Variants in DGCR2 observed in about 807,000 individuals in gnomAD.
DGCR2 encodes the protein integral membrane protein DGCR2/IDD.
DGCR2 carries 24 observed loss-of-function variants against 51.6 expected under a neutral mutation model. That is an observed-to-expected ratio of 0.47 (90% confidence interval 0.34 to 0.65). DGCR2 has a LOEUF of 0.65. DGCR2 is among the 30% of genes least tolerant of loss of function. The probability of loss-of-function intolerance (pLI) is 0.01; values close to 1 mark genes in which losing one functional copy is unlikely to be tolerated. For synonymous variants in DGCR2, 340 were observed against 315.4 expected, an observed-to-expected ratio of 1.08 and a Z score of -0.82; for missense variants, 765 against 772.1, an observed-to-expected ratio of 0.99 and a Z score of 0.11.
At chr22:19,044,831 G>C (rs2082471432) in intron 7 of DGCR2, among the ~76,000 whole-genome samples, 1 of 152,190 alleles carries the variant, frequency 6.6e-6, no homozygotes, top group Admixed American at 6.5e-5. Context: ...CAATAGCATT[G>C]TTTTGTTTTC....
chr22:19,117,660 A>C (rs1256297114), intron 1 of DGCR2, among the ~76,000 whole-genome samples: 1 of 152,244 alleles, frequency 6.6e-6, no homozygotes, highest in Non-Finnish European at 1.5e-5. Flanking sequence ...AAATAAGGTA[A>C]AATGCCAACA....
chr22:19,103,739 T>TAAAAAA (rs34046451), intron 1 of DGCR2, among the ~76,000 whole-genome samples: 4 of 78,722 alleles, frequency 5.1e-5, no homozygotes, highest in East Asian at 3.7e-4. Context: ...AAAAAATTCT[T>TAAAAAA]AAAAAAAAAA....
At chr22:19,099,283 C>T (rs1421638255) in intron 1 of DGCR2, among the ~76,000 whole-genome samples, 2 of 152,200 alleles carry the variant, frequency 1.3e-5, no homozygotes, top group Non-Finnish European at 2.9e-5. Flanking sequence ...TGGACATCAA[C>T]ACTGCGTTTC....
At chr22:19,044,180 C>T (rs2082463070) in intron 7 of DGCR2, among the ~76,000 whole-genome samples, 1 of 152,218 alleles carries the variant, frequency 6.6e-6, no homozygotes, top group African/African-American at 2.4e-5. Context: ...AATCATCTCT[C>T]AGAACCAAGC....
intron 6 of DGCR2, among the ~76,000 whole-genome samples, chr22:19,053,756 G>A (rs2082573181): frequency 6.6e-6 from 1 of 152,178 alleles, no homozygotes; most frequent in South Asian, 2.1e-4. Flanking sequence ...TCCCCACAGG[G>A]AATTTAAAAT....
At position 19,122,276 on chromosome 22, in the gene DGCR2, G is replaced by A. The variant is rs558580511; in HGVS notation, c.-70C>T. Reference sequence around the variant, plus strand: ...AGGCCGGACTGAGGGTCAGGGGACCGTGCCAAGCGGAGGGTCAGGCGGAGC... The same window carrying A: ...AGGCCGGACTGAGGGTCAGGGGACCATGCCAAGCGGAGGGTCAGGCGGAGC... On this transcript the variant is annotated 5_prime_UTR_variant, in exon 1 of 10. In the 5' UTR this introduces an upstream ATG that the reference lacks. Transcript: ENST00000263196. 4.8e-5 allele frequency: 63 copies of A among 1,300,394 alleles called. 1 individual carries two copies. The highest frequency in any genetic ancestry group is 1.5e-5 in the South Asian group (1 of 66,570). The allele number at this position is 1,300,394 out of a possible 1,614,324, so 80.6% of individuals were successfully genotyped here. A position where few individuals can be genotyped will look rare whatever the true frequency, so the allele number is the denominator to read the frequency against.
intron 1 of DGCR2, among the ~76,000 whole-genome samples, chr22:19,119,270 G>A (rs550250550): frequency 2.0e-5 from 3 of 152,264 alleles, no homozygotes; most frequent in South Asian, 2.1e-4. Context: ...AGACTCCTAC[G>A]ATGAAATCTC....
At chr22:19,055,097 C>T (rs986985356) in intron 6 of DGCR2, among the ~76,000 whole-genome samples, 4 of 152,118 alleles carry the variant, frequency 2.6e-5, no homozygotes, top group Admixed American at 2.6e-4. Context: ...GCCTGGGTGA[C>T]GGGGCAAGAC....
intron 1 of DGCR2, among the ~76,000 whole-genome samples, chr22:19,110,690 G>A (rs977051945): frequency 6.6e-6 from 1 of 151,900 alleles, no homozygotes; most frequent in Admixed American, 6.6e-5. Flanking sequence ...TGGAAAAAGA[G>A]CCAGAGACTT....
chr22:19,076,967 T>A (rs1004427184), intron 2 of DGCR2, among the ~76,000 whole-genome samples: 1 of 151,780 alleles, frequency 6.6e-6, no homozygotes, highest in African/African-American at 2.4e-5. Context: ...CCTGACCTTG[T>A]GATCCGCCGG....
chr22:19,082,219 T>C (rs2145997404), intron 2 of DGCR2, among the ~76,000 whole-genome samples: 1 of 133,526 alleles, frequency 7.5e-6, no homozygotes, highest in Non-Finnish European at 1.6e-5. Context: ...TGGCTAATTA[T>C]TTCTTTTTTT....
chr22:19,041,172 C>T lies in DGCR2; in HGVS notation c.1282G>A (p.Asp428Asn), dbSNP rs1475760281. 5 of 1,613,786 alleles carry T rather than the reference C, an allele frequency of 3.1e-6. No homozygotes were observed. The highest frequency in any genetic ancestry group is 2.2e-5 in the South Asian group (2 of 91,082). The change falls in exon 9 of 10, where the codon GAC becomes AAC. Residue 428 changes from aspartate (D) to asparagine (N), a missense_variant. Around this residue, in one of 3 missense-constraint regions of DGCR2, gnomAD observed 205 missense variants for 181.4 expected, o/e 1.13. Transcript: ENST00000263196. ...DGEGGTFHFH[D>N]PPPPYTAYKY... ...TATGCCGTGTAGGGAGGTGGAGGGT[C>T]GTGGAAATGGAAAGTCCCACCCTCT...
At chr22:19,108,569 TAAAAAAA>T (rs55803042) in intron 1 of DGCR2, among the ~76,000 whole-genome samples, 78 of 90,642 alleles carry the variant, frequency 8.6e-4, no homozygotes, top group African/African-American at 2.5e-3. Flanking sequence ...AGAATTTATC[TAAAAAAA>T]AAAAAAAAAA....
chr22:19,099,333 A>G (rs7511227), intron 1 of DGCR2, among the ~76,000 whole-genome samples: 2 of 152,166 alleles, frequency 1.3e-5, no homozygotes, highest in South Asian at 4.1e-4. Flanking sequence ...TTACCCCAAC[A>G]CTTTGGGAGG....
At chr22:19,039,688 C>T (rs1356841176) in intron 9 of DGCR2, among the ~76,000 whole-genome samples, 3 of 152,248 alleles carry the variant, frequency 2.0e-5, no homozygotes, top group Middle Eastern at 3.4e-3. Context: ...GCAGTCGACT[C>T]GCTTTGTTTT....
intron 2 of DGCR2, among the ~76,000 whole-genome samples, chr22:19,084,631 C>T (rs1254363249): frequency 1.3e-5 from 2 of 149,140 alleles, no homozygotes; most frequent in African/African-American, 5.0e-5. Flanking sequence ...AAGTGAGGAG[C>T]GTCTCCGCCC....
chr22:19,041,765 T>C (rs750987689), intron 8 of DGCR2, 42 bp downstream of exon 8: 9 of 1,591,596 alleles, frequency 5.7e-6, no homozygotes, highest in Non-Finnish European at 7.7e-6. Context: ...TGACCTGGGG[T>C]GGGGATGGGG....
chr22:19,078,505 C>T (rs1220005257), intron 2 of DGCR2, among the ~76,000 whole-genome samples: 3 of 152,158 alleles, frequency 2.0e-5, no homozygotes, highest in Non-Finnish European at 4.4e-5. Context: ...ATCATGTCGT[C>T]ACACATACAA....
At position 19,039,134 on chromosome 22, in the gene DGCR2, A is replaced by G; in HGVS notation, c.1397-13T>C. On this transcript the variant is annotated splice_polypyrimidine_tract_variant and intron_variant, in intron 9 of 9. Coordinates refer to ENST00000263196, the MANE Select transcript of DGCR2 (RefSeq NM_005137.3). ...AAAGCATCATCGTCTGCAGGAAGAG[A>G]CAGAGGGGTGTCAGAGGCAGGTACG... 2 of 1,612,542 alleles carry G rather than the reference A, an allele frequency of 1.2e-6. No individual in the cohort carries two copies. The highest frequency in any genetic ancestry group is 1.1e-5 in the South Asian group (1 of 91,034).
Sources: allele counts gnomAD v4.1 joint callset (sites outside exome capture counted in the v4.1 genomes callset), GRCh38; gene constraint gnomAD v4.1.1; regional missense constraint gnomAD v4.1.1; transcripts MANE v1.5; gene names NCBI Gene and HGNC (gene_info 2026-07-23, HGNC 2026-07-21).